The following CCNJL variants were observed in gnomAD, a reference collection of about 807,000 sequenced individuals.
The protein encoded by CCNJL is cyclin J like.
CCNJL carries 33 observed loss-of-function variants against 33.4 expected under a neutral mutation model. The observed-to-expected ratio is 0.99, with a 90% confidence interval of 0.75 to 1.32. The LOEUF (loss-of-function observed/expected upper bound fraction) is 1.32. Ranked by LOEUF, CCNJL falls within the 40% of genes most tolerant of loss-of-function variation. The probability of loss-of-function intolerance (pLI) is 0.00; values close to 1 mark genes in which losing one functional copy is unlikely to be tolerated. For missense variants in CCNJL, 512 were observed against 499.7 expected, an observed-to-expected ratio of 1.02 and a Z score of -0.23; for synonymous variants, 227 against 220.9, an observed-to-expected ratio of 1.03 and a Z score of -0.24.
Position 160,251,813 on chromosome 5 carries a change from G to GA in CCNJL, c.*1564dup, listed in dbSNP as rs543912188. On this transcript the variant is annotated 3_prime_UTR_variant, in exon 6 of 6. Coordinates refer to ENST00000257536, the MANE Select transcript of CCNJL (RefSeq NM_001308173.3). ...ATAAATAGAACGGAGGTTGGCAAAGGAAAAAAAAACAACAACAAATGAACG... is the reference window on the plus strand; with the variant it reads ...ATAAATAGAACGGAGGTTGGCAAAGGAAAAAAAAAACAACAACAAATGAACG... 4.0e-4 allele frequency: 60 copies of GA among 149,888 alleles called. No homozygotes were observed. Among genetic ancestry groups the GA allele is most frequent in the African/African-American group, 9.5e-4 (39 of 40,904 alleles). The allele number at this position is 149,888 out of a possible 1,614,324, so 9.3% of individuals were successfully genotyped here. A position where few individuals can be genotyped will look rare whatever the true frequency, so the allele number is the denominator to read the frequency against.
intron 5 of CCNJL, 55 bp from the exon 6 acceptor site, chr5:160,253,853 TG>T: frequency 1.5e-6 from 2 of 1,361,364 alleles, no homozygotes; most frequent in South Asian, 2.8e-5. Flanking sequence ...CAGATGCCTG[TG>T]TGTGTCTCTA....
At chr5:160,263,358 TA>T (rs1021868434) in intron 3 of CCNJL, among the ~76,000 whole-genome samples, 21 of 152,248 alleles carry the variant, frequency 1.4e-4, no homozygotes, top group African/African-American at 4.8e-4. Flanking sequence ...CCAGGGGTCC[TA>T]AAAATGCCTT....
At chr5:160,276,697 G>A (rs752229140) in intron 3 of CCNJL, among the ~76,000 whole-genome samples, 2 of 152,202 alleles carry the variant, frequency 1.3e-5, no homozygotes, top group Non-Finnish European at 2.9e-5. Context: ...GAAGTAGAGA[G>A]AGCGTGAAGG....
At chr5:160,268,681 C>T (rs1048821924) in intron 3 of CCNJL, among the ~76,000 whole-genome samples, 6 of 152,154 alleles carry the variant, frequency 3.9e-5, no homozygotes, top group African/African-American at 1.4e-4. Flanking sequence ...CAGGTAGCCT[C>T]CCCTTAAGTC....
At chr5:160,281,417 G>T (rs530343410) in intron 2 of CCNJL, 2 of 154,918 alleles carry the variant, frequency 1.3e-5, no homozygotes, top group South Asian at 4.0e-4. Context: ...TTTTCTAAAA[G>T]TAAGTTCAGA....
At chr5:160,280,297 C>T (rs369741803) in intron 3 of CCNJL, among the ~76,000 whole-genome samples, 4 of 152,252 alleles carry the variant, frequency 2.6e-5, no homozygotes, top group African/African-American at 7.2e-5. Context: ...CCTAGGGCCA[C>T]TGTGTGGATT....
chr5:160,339,363 A>AAC (rs1554126004), intron 1 of CCNJL: 14 of 322,386 alleles, frequency 4.3e-5, no homozygotes, highest in Non-Finnish European at 6.8e-5. Context: ...GCAAAACAAA[A>AAC]AAAAAAAACA....
intron 3 of CCNJL, among the ~76,000 whole-genome samples, chr5:160,271,167 G>C (rs935940265): frequency 1.3e-5 from 2 of 152,110 alleles, no homozygotes; most frequent in African/African-American, 4.8e-5. Flanking sequence ...AACATATCTC[G>C]TTCGAGTCTG....
At chr5:160,290,420 C>A (rs1762545449) in intron 2 of CCNJL, among the ~76,000 whole-genome samples, 1 of 152,054 alleles carries the variant, frequency 6.6e-6, no homozygotes, top group Admixed American at 6.6e-5. Context: ...CACCCACCAC[C>A]ACACCCGTCT....
rs377537822 is a variant in CCNJL, at chr5:160,264,282, G to A, written c.281-4511C>T. Among the ~76,000 whole-genome samples the A allele has an allele frequency of 2.6e-5, 4 of 152,196 alleles. No homozygotes were observed. The East Asian group carries it at 7.7e-4, about 29-fold the overall frequency. ...TCTAAACCTAGTGAAGCACTTCTCT[G>A]GCTCTCGGAGGCTAGGCAGACGCAC... On this transcript the variant is annotated intron_variant, in intron 3 of 5. Coordinates refer to ENST00000257536, the MANE Select transcript of CCNJL (RefSeq NM_001308173.3).
In CCNJL at chr5:160,323,385, G is replaced by A. The variant is rs76965423; in HGVS notation, n.207-7880C>T. On this transcript the variant is annotated intron_variant and non_coding_transcript_variant, in intron 1 of 7. Coordinates refer to the CCNJL transcript ENST00000377503. ...GCTGGAATTATGGGTGTGAGCCACC[G>A]TGCCTGGCTCAAAAATATTTTTACT... Among the ~76,000 whole-genome samples, 1,214 of 152,246 alleles carry A rather than the reference G, an allele frequency of 8.0e-3. 20 individuals carry two copies. Among genetic ancestry groups the A allele is most frequent in the African/African-American group, 0.027 (1,125 of 41,542 alleles).
chr5:160,293,094 T>C (rs1419907780), intron 2 of CCNJL, among the ~76,000 whole-genome samples: 2 of 152,198 alleles, frequency 1.3e-5, no homozygotes, highest in Non-Finnish European at 2.9e-5. Flanking sequence ...CTCCATGTGA[T>C]AGTTTAGGTT....
chr5:160,291,784 G>A (rs913608226), intron 2 of CCNJL, among the ~76,000 whole-genome samples: 3 of 152,222 alleles, frequency 2.0e-5, no homozygotes, highest in Admixed American at 6.5e-5. Flanking sequence ...AGGAGCCTAG[G>A]AGAGGCTTAC....
intron 1 of CCNJL, among the ~76,000 whole-genome samples, chr5:160,327,672 T>C (rs1763554052): frequency 6.6e-6 from 1 of 152,166 alleles, no homozygotes. Context: ...TGGGAGGCAT[T>C]CTGTATGACC....
intron 1 of CCNJL, among the ~76,000 whole-genome samples, chr5:160,320,822 TTTCTTTC>T (rs1763435307): frequency 8.8e-6 from 1 of 113,290 alleles, no homozygotes; most frequent in South Asian, 2.9e-4. Flanking sequence ...TCTTTCTTTC[TTTCTTTC>T]TTTCTTTCTT....
chr5:160,280,104 C>T (rs1223139523), intron 3 of CCNJL, among the ~76,000 whole-genome samples: 1 of 152,186 alleles, frequency 6.6e-6, no homozygotes, highest in African/African-American at 2.4e-5. Context: ...TAGGGTTCCC[C>T]TCCCAGCACG....
chr5:160,316,671 T>C (rs1763384008), upstream of CCNJL, among the ~76,000 whole-genome samples: 1 of 152,248 alleles, frequency 6.6e-6, no homozygotes, highest in Non-Finnish European at 1.5e-5. Flanking sequence ...AGTGTAGACA[T>C]TCATGCCTTT....
chr5:160,265,124 G>A (rs1480966371), intron 3 of CCNJL, among the ~76,000 whole-genome samples: 1 of 152,164 alleles, frequency 6.6e-6, no homozygotes, highest in African/African-American at 2.4e-5. Flanking sequence ...CCAGGCTTGA[G>A]CGCGGCCCAC....
At chr5:160,324,110 G>A (rs774867583) in intron 1 of CCNJL, among the ~76,000 whole-genome samples, 1 of 152,140 alleles carries the variant, frequency 6.6e-6, no homozygotes, top group African/African-American at 2.4e-5. Context: ...CAGTCCATTC[G>A]TCTTCTATTG....
Sources: allele counts gnomAD v4.1 joint callset (sites outside exome capture counted in the v4.1 genomes callset), GRCh38; gene constraint gnomAD v4.1.1; transcripts MANE v1.5; gene names NCBI Gene and HGNC (gene_info 2026-07-23, HGNC 2026-07-21).